Variants in AGAP5 observed in about 807,000 individuals in gnomAD.
The protein encoded by AGAP5 is ArfGAP with GTPase domain, ankyrin repeat and PH domain 5.
A neutral mutation model predicts 27.7 loss-of-function variants in AGAP5; 8 were observed. The ratio of observed to expected loss-of-function variants is 0.29; its 90% CI spans 0.17 to 0.52. The LOEUF is 0.52. Among genes scored for constraint, AGAP5 ranks in the 20% least tolerant of loss-of-function variants. The probability of loss-of-function intolerance (pLI) is 0.97; values close to 1 mark genes in which losing one functional copy is unlikely to be tolerated. For missense variants in AGAP5, 285 were observed against 880.8 expected (o/e 0.32, Z 8.56); for synonymous variants, 111 against 338.0 (o/e 0.33, Z 7.37).
intron 2 of AGAP5, among the ~76,000 whole-genome samples, chr10:73,696,884 A>G (rs1431819462): frequency 6.6e-6 from 1 of 152,226 alleles, no homozygotes; most frequent in Non-Finnish European, 1.5e-5. Flanking sequence ...AACTGTCCTG[A>G]GATTTGGCTA....
chr10:73,686,675 G>A (rs1190714935), intron 4 of AGAP5, among the ~76,000 whole-genome samples: 3 of 152,124 alleles, frequency 2.0e-5, no homozygotes, highest in African/African-American at 7.2e-5. Flanking sequence ...CAGAATCTAT[G>A]AGGAACTCAA....
At chr10:73,697,363 ACTAAGG>A (rs2082169374) in intron 1 of AGAP5, among the ~76,000 whole-genome samples, 164 bp downstream of exon 1, 1 of 151,926 alleles carries the variant, frequency 6.6e-6, no homozygotes, top group African/African-American at 2.4e-5. Context: ...GTGAGGAAAG[ACTAAGG>A]GGTGGGAATT....
At chr10:73,685,178 CTT>C (rs2082052905) in intron 4 of AGAP5, among the ~76,000 whole-genome samples, 2 of 90,766 alleles carry the variant, frequency 2.2e-5, no homozygotes, top group African/African-American at 9.0e-5. Context: ...ATTGTTTTCT[CTT>C]GTGTGATTGC....
In AGAP5 at chr10:73,675,497, TTGGGGCTGGTGGTGCTGGAGATAC is replaced by T. The variant is rs2081970741; in HGVS notation, c.1139_1162del (p.Ser380_Pro387del). The T allele has an allele frequency of 6.2e-7, 1 of 1,613,334 alleles. No homozygotes were observed. The highest frequency in any genetic ancestry group is 1.3e-5 in the African/African-American group (1 of 74,856). ...ATGAGGAGAGGGGGGCGGGTTGAGC[TTGGGGCTGGTGGTGCTGGAGATAC>T]TGGGGCTGAAGCATATGGAGTCACC... is the stretch of plus-strand genomic sequence containing the variant. On this transcript the variant is annotated inframe_deletion, in exon 8 of 8. Coordinates refer to ENST00000374094, the MANE Select transcript of AGAP5 (RefSeq NM_001144000.4).
intron 6 of AGAP5, among the ~76,000 whole-genome samples, chr10:73,679,352 CG>C (rs2082006499): frequency 6.6e-6 from 1 of 151,888 alleles, no homozygotes; most frequent in African/African-American, 2.4e-5. Flanking sequence ...TTAGTAGAGA[CG>C]GGGTTTCGCC....
At chr10:73,688,535 T>A (rs2082083265) in intron 4 of AGAP5, among the ~76,000 whole-genome samples, 1 of 149,540 alleles carries the variant, frequency 6.7e-6, no homozygotes, top group Admixed American at 6.6e-5. Context: ...CTTAAAACAC[T>A]CTCAAAAAAT....
rs1554962767 is a variant in AGAP5 at position 73,692,058 on chromosome 10, G to A, written c.381C>T (p.Ser127=). The A allele has an allele frequency of 2.0e-6, 3 of 1,521,598 alleles. No individual in the cohort carries two copies. Among genetic ancestry groups the A allele is most frequent in the Non-Finnish European group, 2.6e-6 (3 of 1,134,174 alleles). 94.3% of individuals were successfully genotyped at this position (1,521,598 alleles called of 1,614,324 possible). A position where few individuals can be genotyped will look rare whatever the true frequency, so the allele number is the denominator to read the frequency against. The stretch of plus-strand genomic sequence containing the variant: ...GTTTACTTACATGGTTTGTACAGTT[G>A]CTTCTTCTTATTTCTACAACTAAGA... ...SQTDVVEIRR[S]NCTNHVSTER... Residue 127 remains serine (S), a synonymous_variant, in exon 4 of 8, where the codon AGC becomes AGT. Coordinates refer to ENST00000374094, the MANE Select transcript of AGAP5 (RefSeq NM_001144000.4).
intron 3 of AGAP5, among the ~76,000 whole-genome samples, chr10:73,693,529 T>A (rs2082136257): frequency 6.6e-6 from 1 of 151,594 alleles, no homozygotes; most frequent in Non-Finnish European, 1.5e-5. Context: ...TGAAACCCTG[T>A]CTCTACCAAA....
At chr10:73,688,210 G>A (rs1378977595) in intron 4 of AGAP5, among the ~76,000 whole-genome samples, 2 of 152,178 alleles carry the variant, frequency 1.3e-5, no homozygotes, top group South Asian at 2.1e-4. Context: ...AACTTTCTGC[G>A]CTAACTCTGC....
At chr10:73,688,655 T>G (rs3878050) in intron 4 of AGAP5, among the ~76,000 whole-genome samples, 47 of 151,072 alleles carry the variant, frequency 3.1e-4, no homozygotes, top group Admixed American at 3.1e-3. Flanking sequence ...TCAATGCAGG[T>G]GTACTGGTCT....
In AGAP5 at chr10:73,697,687, C is replaced by T. The variant is rs778698891; in HGVS notation, c.69G>A (p.Ser23=). 4.3e-5 allele frequency: 69 copies of T among 1,598,918 alleles called. No individual in the cohort carries two copies. Among genetic ancestry groups the T allele is most frequent in the African/African-American group, 6.7e-5 (5 of 74,846 alleles). The change falls in exon 1 of 8, where the codon TCG becomes TCA. Residue 23 remains serine, a synonymous_variant. Coordinates refer to ENST00000374094, the MANE Select transcript of AGAP5 (RefSeq NM_001144000.4). ...AGATCTCAGATTCAGAGGGACACACCGACCCCTGTTGCTGGTCAAACTCGA... is the reference window on the plus strand; with the variant it reads ...AGATCTCAGATTCAGAGGGACACACTGACCCCTGTTGCTGGTCAAACTCGA... ...VSLEFDQQQG[S]VCPSESEIYE... is the part of the protein sequence containing the mutation.
At chr10:73,697,336 G>T (rs555683624) in intron 1 of AGAP5, among the ~76,000 whole-genome samples, 173 bp from the exon 2 acceptor site, 1 of 152,044 alleles carries the variant, frequency 6.6e-6, no homozygotes, top group African/African-American at 2.4e-5. Flanking sequence ...GAGGCGAAAA[G>T]AAACTGACTG....
At chr10:73,694,237 A>C (rs1336404287) in intron 3 of AGAP5, among the ~76,000 whole-genome samples, 1 of 152,200 alleles carries the variant, frequency 6.6e-6, no homozygotes, top group African/African-American at 2.4e-5. Context: ...TGAGTAGCAT[A>C]AACTTGGATG....
intron 4 of AGAP5, among the ~76,000 whole-genome samples, chr10:73,691,785 C>T (rs1357733986): frequency 6.6e-6 from 1 of 152,132 alleles, no homozygotes. Flanking sequence ...AGCCACCATG[C>T]CCAGCCTTAA....
chr10:73,692,280 A>G (rs1266851422), intron 3 of AGAP5, among the ~76,000 whole-genome samples: 2 of 151,974 alleles, frequency 1.3e-5, no homozygotes, highest in Non-Finnish European at 2.9e-5. Flanking sequence ...CATTTAGTTT[A>G]CTTTTTGTTT....
Position 73,675,389 on chromosome 10 carries a change from T to C in AGAP5, c.1271A>G (p.Glu424Gly). 6.2e-7 allele frequency: 1 copy of C among 1,614,140 alleles called. No individual in the cohort carries two copies. Among genetic ancestry groups the C allele is most frequent in the Non-Finnish European group, 8.5e-7 (1 of 1,180,032 alleles). ...VSATGQTWHFEATTYEERDAW... is the reference protein window; with the variant it reads ...VSATGQTWHFGATTYEERDAW... ...ATCCCGCTCCTCATACGTCGTGGCT[T>C]CAAAGTGCCATGTTTGGCCAGTGGC... Residue 424 changes from glutamate (E) to glycine (G), a missense_variant, in exon 8 of 8, where the codon GAA (glutamate) becomes GGA (glycine). By Grantham distance (98) the Glu-to-Gly change is moderately conservative. Transcript: ENST00000374094.
At chr10:73,679,078 C>T (rs1293263976) in intron 6 of AGAP5, among the ~76,000 whole-genome samples, 2 of 144,688 alleles carry the variant, frequency 1.4e-5, no homozygotes, top group Admixed American at 6.9e-5. Flanking sequence ...GTCTCAAACT[C>T]CTGACCTCAA....
At chr10:73,689,107 C>T (rs1399866620) in intron 4 of AGAP5, among the ~76,000 whole-genome samples, 2 of 152,248 alleles carry the variant, frequency 1.3e-5, no homozygotes, top group Non-Finnish European at 2.9e-5. Flanking sequence ...CTGCTTCAGC[C>T]TGCCGAGTGC....
chr10:73,687,254 T>C (rs1256262487), intron 4 of AGAP5, among the ~76,000 whole-genome samples: 1 of 152,252 alleles, frequency 6.6e-6, no homozygotes, highest in Admixed American at 6.5e-5. Context: ...AAAGAATTAG[T>C]AACTTTTTTC....
Sources: allele counts gnomAD v4.1 joint callset (sites outside exome capture counted in the v4.1 genomes callset), GRCh38; gene constraint gnomAD v4.1.1; transcripts MANE v1.5; gene names NCBI Gene and HGNC (gene_info 2026-07-23, HGNC 2026-07-21).